RIMS2: variants seen among roughly 807,000 people sequenced by gnomAD.
RIMS2 encodes regulating synaptic membrane exocytosis protein 2.
In RIMS2, 59 loss-of-function variants were observed where a neutral mutation model predicts 174.4. The ratio of observed to expected loss-of-function variants is 0.34; its 90% CI spans 0.27 to 0.42. The LOEUF is 0.42. Ranked by LOEUF, RIMS2 falls within the 10% of genes least tolerant of loss-of-function variation. The probability of loss-of-function intolerance (pLI) is 1.00; values close to 1 mark genes in which losing one functional copy is unlikely to be tolerated. For synonymous variants in RIMS2, 606 were observed against 572.5 expected, an observed-to-expected ratio of 1.06 and a Z score of -0.84; for missense variants, 1,620 against 1,666.3, an observed-to-expected ratio of 0.97 and a Z score of 0.48.
chr8:103,888,949 A>C (rs2099224933), intron 4 of RIMS2, among the ~76,000 whole-genome samples: 1 of 151,652 alleles, frequency 6.6e-6, no homozygotes, highest in African/African-American at 2.4e-5. Context: ...TGGAAGAATA[A>C]ACTTGAATGA....
intron 19 of RIMS2, among the ~76,000 whole-genome samples, chr8:104,227,023 A>C (rs891320686): frequency 6.6e-6 from 1 of 152,194 alleles, no homozygotes. Flanking sequence ...ATAATTTTTC[A>C]AGAATGTTAC....
At chr8:103,743,552 T>C (rs1288825207) in intron 2 of RIMS2, among the ~76,000 whole-genome samples, 1 of 76,482 alleles carries the variant, frequency 1.3e-5, no homozygotes, top group Non-Finnish European at 2.5e-5. Flanking sequence ...TATCGTATAA[T>C]TAGCATCTAT....
chr8:103,697,984 A>AG (rs34435458), intron 2 of RIMS2, among the ~76,000 whole-genome samples: 57,262 of 151,988 alleles, frequency 0.38, 11,113 homozygotes, highest in African/African-American at 0.4. Flanking sequence ...AAAGAAAAAA[A>AG]TTTGTGTCAG....
chr8:103,686,988 C>T (rs968352243), intron 1 of RIMS2, among the ~76,000 whole-genome samples: 6 of 152,056 alleles, frequency 3.9e-5, no homozygotes, highest in Admixed American at 2.6e-4. Flanking sequence ...GGAAATGTTC[C>T]ATCCTGTTTT....
At chr8:103,720,826 A>C (rs1341163803) in intron 2 of RIMS2, among the ~76,000 whole-genome samples, 1 of 152,206 alleles carries the variant, frequency 6.6e-6, no homozygotes, top group African/African-American at 2.4e-5. Flanking sequence ...TATTTGTTTG[A>C]ATATATTATA....
intron 16 of RIMS2, among the ~76,000 whole-genome samples, chr8:103,986,787 C>A (rs1018690662): frequency 4.0e-5 from 6 of 151,558 alleles, no homozygotes; most frequent in African/African-American, 1.5e-4. Flanking sequence ...GCAGGAGAAT[C>A]GCTTGTACCT....
intron 1 of RIMS2, among the ~76,000 whole-genome samples, chr8:103,506,335 T>A (rs1823595975): frequency 2.6e-5 from 4 of 152,174 alleles, no homozygotes. Flanking sequence ...CTAATTATAT[T>A]GTGCGATGAA....
chr8:103,615,022 T>C (rs1179948569), intron 1 of RIMS2, among the ~76,000 whole-genome samples: 1 of 152,242 alleles, frequency 6.6e-6, no homozygotes, highest in Non-Finnish European at 1.5e-5. Flanking sequence ...TTAGCTTTTA[T>C]CTTTTAATTA....
In RIMS2 at chr8:104,004,891, A is replaced by C. The variant is rs528193203; in HGVS notation, c.3045-8551A>C. ...CTAATAGAGAGAAATTAAGTTTGTTATTAAACCATTGTTAGTGTTTTAATG... is the reference window on the plus strand; with the variant it reads ...CTAATAGAGAGAAATTAAGTTTGTTCTTAAACCATTGTTAGTGTTTTAATG... On this transcript the variant is annotated intron_variant, in intron 17 of 23. Coordinates refer to ENST00000504942, the Ensembl canonical transcript of RIMS2. Among the ~76,000 whole-genome samples the C allele has an allele frequency of 7.2e-5, 11 of 152,308 alleles. No homozygotes were observed. The South Asian group carries it at 2.3e-3, about 32-fold the overall frequency.
chr8:103,911,828 T>C (rs951185107), intron 5 of RIMS2, among the ~76,000 whole-genome samples: 12 of 152,098 alleles, frequency 7.9e-5, no homozygotes, highest in African/African-American at 2.7e-4. Context: ...TTGGAAGTAA[T>C]TGGATTTTGA....
intron 2 of RIMS2, among the ~76,000 whole-genome samples, chr8:103,762,234 A>T (rs1310004198): frequency 6.6e-6 from 1 of 151,992 alleles, no homozygotes; most frequent in Non-Finnish European, 1.5e-5. Flanking sequence ...TATTATTTTT[A>T]AAATTTTGAC....
chr8:103,853,864 A>G (rs1438954268), intron 3 of RIMS2, among the ~76,000 whole-genome samples: 2 of 151,986 alleles, frequency 1.3e-5, no homozygotes, highest in Admixed American at 6.6e-5. Flanking sequence ...TTGGCTATTC[A>G]GGCTCTTTTT....
intron 1 of RIMS2, among the ~76,000 whole-genome samples, chr8:103,515,305 T>G (rs1828467828): frequency 6.6e-6 from 1 of 152,222 alleles, no homozygotes; most frequent in Admixed American, 6.5e-5. Flanking sequence ...TCTATAAACT[T>G]TGTCATATTC....
chr8:103,849,164 A>G (rs931940113), intron 3 of RIMS2, among the ~76,000 whole-genome samples: 4 of 152,058 alleles, frequency 2.6e-5, no homozygotes, highest in African/African-American at 9.7e-5. Context: ...TTGCATGGCC[A>G]CTGTGTGGCA....
chr8:104,033,833 T>C (rs924517357), intron 19 of RIMS2, among the ~76,000 whole-genome samples: 9 of 152,130 alleles, frequency 5.9e-5, no homozygotes, highest in African/African-American at 2.2e-4. Context: ...TTTGGAGTGA[T>C]AAAATGGGAG....
intron 2 of RIMS2, among the ~76,000 whole-genome samples, chr8:103,704,283 G>A (rs1003523658): frequency 2.6e-5 from 4 of 151,534 alleles, no homozygotes; most frequent in Non-Finnish European, 4.4e-5. Context: ...ATTGAATTGT[G>A]AATGTTGAAC....
At chr8:103,555,328 C>G (rs894855007) in intron 1 of RIMS2, among the ~76,000 whole-genome samples, 1 of 152,060 alleles carries the variant, frequency 6.6e-6, no homozygotes, top group Non-Finnish European at 1.5e-5. Context: ...TATTACCTCA[C>G]AACTATTAGA....
At chr8:103,683,788 G>A in intron 1 of RIMS2, among the ~76,000 whole-genome samples, 1 of 152,160 alleles carries the variant, frequency 6.6e-6, no homozygotes, top group East Asian at 1.9e-4. Context: ...CTAATGCAGA[G>A]CTCATTCATT....
chr8:104,080,257 G>A lies in RIMS2; in HGVS notation c.3334+65642G>A, dbSNP rs114449694. Among the ~76,000 whole-genome samples the A allele has an allele frequency of 7.4e-3, 1,119 of 152,100 alleles. 14 individuals carry two copies. Among genetic ancestry groups the A allele is most frequent in the African/African-American group, 0.026 (1,075 of 41,534 alleles). Reference sequence around the variant, plus strand: ...TAAACAAATATGTGGTACTTTGGAGGCAGCATTGAAAAGACCACTATGAAT... The same window carrying A: ...TAAACAAATATGTGGTACTTTGGAGACAGCATTGAAAAGACCACTATGAAT... On this transcript the variant is annotated intron_variant, in intron 19 of 23. Transcript: ENST00000504942.
Sources: gnomAD v4.1 joint callset for allele counts (sites outside exome capture counted in the v4.1 genomes callset) on GRCh38, gnomAD v4.1.1 for gene constraint, MANE v1.5 for transcripts, NCBI Gene and HGNC (gene_info 2026-07-23, HGNC 2026-07-21) for gene names.